MGRN1: variants seen among roughly 807,000 people sequenced by gnomAD.
MGRN1 encodes E3 ubiquitin-protein ligase MGRN1.
MGRN1 carries 29 observed loss-of-function variants against 69.2 expected under a neutral mutation model. That is an observed-to-expected ratio of 0.42 (90% CI 0.31 to 0.57). The LOEUF (loss-of-function observed/expected upper bound fraction) is 0.57, where lower values mean the gene tolerates loss of function less well. Among genes scored for constraint, MGRN1 ranks in the 20% least tolerant of loss-of-function variants. MGRN1 has a pLI of 0.15. For synonymous variants in MGRN1, 470 were observed against 344.2 expected, an observed-to-expected ratio of 1.37 and a Z score of -4.04; for missense variants, 998 against 796.2, an observed-to-expected ratio of 1.25 and a Z score of -3.05.
chr16:4,630,610 G>A (rs1897951612), intron 1 of MGRN1, among the ~76,000 whole-genome samples: 1 of 151,628 alleles, frequency 6.6e-6, no homozygotes. Context: ...ACCACGCCCG[G>A]CTAATTTTTG....
Position 4,653,835 on chromosome 16 carries a change from C to G in MGRN1, c.443+1011C>G, listed in dbSNP as rs554524325. On this transcript the variant is annotated intron_variant, in intron 4 of 16. Coordinates refer to ENST00000262370, the MANE Select transcript of MGRN1 (RefSeq NM_015246.4). ...TGGTGTGATCTTGGCTCACTGCAAC[C>G]TCCGCCTCCTAGGTTCAAGTGCTTC... 1.1e-4 allele frequency among the ~76,000 whole-genome samples: 17 copies of G among 152,182 alleles called. No individual in the cohort carries two copies. In the East Asian group the frequency reaches 2.7e-3, roughly 24 times the overall value.
Position 4,688,995 on chromosome 16 carries a change from CTG to C in MGRN1, c.*89_*90del. ...CCGGACCCCGTTGTGAGCCGGCCTC[CTG>C]TCTGCATGCCCCCTGTGGCCACCAG... is the stretch of plus-strand genomic sequence containing the variant. On this transcript the variant is annotated 3_prime_UTR_variant, in exon 17 of 17. Transcript: ENST00000262370. 1 of 1,446,402 alleles carries C rather than the reference CTG, an allele frequency of 6.9e-7. No individual in the cohort carries two copies. Among genetic ancestry groups the C allele is most frequent in the East Asian group, 2.5e-5 (1 of 39,692 alleles). The allele number at this position is 1,446,402 out of a possible 1,614,324, so 89.6% of individuals were successfully genotyped here. A position where few individuals can be genotyped will look rare whatever the true frequency, so the allele number is the denominator to read the frequency against.
At chr16:4,673,476 C>G in intron 9 of MGRN1, 22 bp from the exon 10 acceptor site, 1 of 1,608,068 alleles carries the variant, frequency 6.2e-7, no homozygotes. Context: ...GGCTGCTGAC[C>G]CACAAGCCCT....
At chr16:4,673,774 T>G in intron 10 of MGRN1, 117 bp downstream of exon 10, 1 of 1,306,056 alleles carries the variant, frequency 7.7e-7, no homozygotes, top group Non-Finnish European at 1.0e-6. Context: ...AGAAGAGTTG[T>G]CATTCATCTA....
chr16:4,683,215 G>A lies in MGRN1; in HGVS notation c.1483-9G>A. On this transcript the variant is annotated splice_polypyrimidine_tract_variant and intron_variant, in intron 14 of 16. Coordinates refer to ENST00000262370, the MANE Select transcript of MGRN1 (RefSeq NM_015246.4). ...TGAGCTCTAGGCTACTTTCCCCTTTGTTTCCTAGAGTTTCATAACAGAAGA... is the reference window on the plus strand; with the variant it reads ...TGAGCTCTAGGCTACTTTCCCCTTTATTTCCTAGAGTTTCATAACAGAAGA... The A allele has an allele frequency of 6.2e-7, 1 of 1,613,564 alleles. No homozygotes were observed. The highest frequency in any genetic ancestry group is 8.5e-7 in the Non-Finnish European group (1 of 1,179,962).
intron 1 of MGRN1, among the ~76,000 whole-genome samples, chr16:4,645,762 C>G (rs1349746135): frequency 6.6e-6 from 1 of 152,078 alleles, no homozygotes; most frequent in Non-Finnish European, 1.5e-5. Context: ...GTGGCCTTGT[C>G]TGGGGCCTCG....
At chr16:4,659,056 G>C (rs925875401) in intron 5 of MGRN1, 1 of 151,920 alleles carries the variant, frequency 6.6e-6, no homozygotes, top group African/African-American at 2.4e-5. Flanking sequence ...GGTGAAAACC[G>C]AACAGATCAA....
At chr16:4,674,626 CTTTTTTTTT>C (rs71139654) in intron 10 of MGRN1, among the ~76,000 whole-genome samples, 13 of 47,254 alleles carry the variant, frequency 2.8e-4, no homozygotes, top group African/African-American at 8.9e-4. Context: ...CTTTTCTTTT[CTTTTTTTTT>C]TTTTTTTTTT....
chr16:4,682,834 C>A lies in MGRN1; in HGVS notation c.1370C>A (p.Ser457Tyr). 1 of 1,590,570 alleles carries A rather than the reference C, an allele frequency of 6.3e-7. No individual in the cohort carries two copies. ...QSKAPDSTLR[S>Y]PSSPIHEEDE... The stretch of plus-strand genomic sequence containing the variant: ...TCCTCTGTCCCCAGCACCCTACGGT[C>A]CCCGTCTTCCCCCATCCACGAAGAG... The change falls in exon 14 of 17, where the codon TCC becomes TAC. Residue 457 changes from serine to tyrosine, a missense_variant. Physicochemically the swap from Ser to Tyr is moderately radical, Grantham distance 144. Coordinates refer to ENST00000262370, the MANE Select transcript of MGRN1 (RefSeq NM_015246.4).
At position 4,690,747 on chromosome 16, in the gene MGRN1, C is replaced by T. The variant is rs916493755; in HGVS notation, c.*1839C>T. ...CCCACCCCAAGCACCTCTCTCCCCC[C>T]ATGCACCTCTCCCCAACAACACACA... On this transcript the variant is annotated 3_prime_UTR_variant, in exon 17 of 17. Transcript: ENST00000262370. 1.3e-4 allele frequency: 19 copies of T among 151,588 alleles called. No individual in the cohort carries two copies. The highest frequency in any genetic ancestry group is 3.2e-4 in the African/African-American group (13 of 41,182). The allele number at this position is 151,588 out of a possible 1,614,324, so 9.4% of individuals were successfully genotyped here. A position where few individuals can be genotyped will look rare whatever the true frequency, so the allele number is the denominator to read the frequency against.
intron 10 of MGRN1, 59 bp downstream of exon 10, chr16:4,673,716 C>T: frequency 6.3e-7 from 1 of 1,583,146 alleles, no homozygotes; most frequent in Non-Finnish European, 8.6e-7. Flanking sequence ...CTGGCCACAC[C>T]ACGGTGGTCC....
At chr16:4,665,189 G>A in intron 7 of MGRN1, 38 bp downstream of exon 7, 1 of 1,612,768 alleles carries the variant, frequency 6.2e-7, no homozygotes, top group South Asian at 1.1e-5. Flanking sequence ...CGGGGACCTG[G>A]GAGCTGGGCA....
At chr16:4,634,586 C>G (rs1898185064) in intron 1 of MGRN1, 1 of 148,236 alleles carries the variant, frequency 6.7e-6, no homozygotes, top group African/African-American at 2.7e-5. Flanking sequence ...GGAGCTCAGC[C>G]CTTTGCTGCG....
intron 1 of MGRN1, chr16:4,639,879 G>A (rs2078119524): frequency 6.6e-6 from 1 of 152,216 alleles, no homozygotes; most frequent in Non-Finnish European, 1.5e-5. Flanking sequence ...AGGCAGGCGG[G>A]GCAGGTGCTT....
Position 4,688,930 on chromosome 16 carries a change from A to T in MGRN1, c.*22A>T. On this transcript the variant is annotated 3_prime_UTR_variant, in exon 17 of 17. Transcript: ENST00000262370. Reference sequence around the variant, plus strand: ...CTGAGAGCCTGGCCGAGCTGGCAGCATGGAGCCCTCGGCTCCCCAGACTTT... The same window carrying T: ...CTGAGAGCCTGGCCGAGCTGGCAGCTTGGAGCCCTCGGCTCCCCAGACTTT... 1 of 1,530,076 alleles carries T rather than the reference A, an allele frequency of 6.5e-7. No homozygotes were observed. The highest frequency in any genetic ancestry group is 1.4e-5 in the African/African-American group (1 of 72,762). The allele number at this position is 1,530,076 out of a possible 1,614,324, so 94.8% of individuals were successfully genotyped here.
chr16:4,683,079 G>T (rs940934207), intron 14 of MGRN1, 133 bp downstream of exon 14: 2 of 1,492,528 alleles, frequency 1.3e-6, no homozygotes, highest in African/African-American at 1.4e-5. Flanking sequence ...TGAGCTGCGC[G>T]GCTCCTTAGC....
intron 7 of MGRN1, 25 bp from the exon 8 acceptor site, chr16:4,668,240 A>G: frequency 6.2e-7 from 1 of 1,612,494 alleles, no homozygotes; most frequent in Non-Finnish European, 8.5e-7. Flanking sequence ...GACCACCTTA[A>G]CCTCTTTGTC....
intron 2 of MGRN1, 30 bp downstream of exon 2, chr16:4,650,513 CTGTGGGGG>C (rs766577353): frequency 7.8e-6 from 12 of 1,545,442 alleles, no homozygotes; most frequent in Non-Finnish European, 1.1e-5. Context: ...TCTCATGGGG[CTGTGGGGG>C]TGGGAGGCCC....
intron 5 of MGRN1, 120 bp downstream of exon 5, chr16:4,657,483 A>C (rs2078573425): frequency 2.1e-6 from 2 of 953,332 alleles, no homozygotes; most frequent in African/African-American, 3.2e-5. Context: ...AAGACCTGGG[A>C]ACGGCCGCCC....
Sources: gnomAD v4.1 joint callset for allele counts (sites outside exome capture counted in the v4.1 genomes callset) on GRCh38, gnomAD v4.1.1 for gene constraint, MANE v1.5 for transcripts, NCBI Gene and HGNC (gene_info 2026-07-23, HGNC 2026-07-21) for gene names.